The following GRID1 variants were observed in gnomAD, a reference collection of about 807,000 sequenced individuals.
GRID1 encodes the protein glutamate ionotropic receptor delta type subunit 1.
A neutral mutation model predicts 98.0 loss-of-function variants in GRID1; 28 were observed. The observed-to-expected ratio is 0.29, with a 90% CI of 0.21 to 0.39. The LOEUF is 0.39. Among genes scored for constraint, GRID1 ranks in the 10% least tolerant of loss-of-function variants. The pLI is 1.00. For synonymous variants in GRID1, 553 were observed against 538.5 expected (o/e 1.03, Z -0.37); for missense variants, 1,111 against 1,340.5 (o/e 0.83, Z 2.67).
chr10:85,636,132 T>A (rs1223718990), intron 13 of GRID1, among the ~76,000 whole-genome samples: 1 of 152,188 alleles, frequency 6.6e-6, no homozygotes, highest in African/African-American at 2.4e-5. Context: ...TAAATTAATC[T>A]CCTGATTGTC....
chr10:86,078,175 T>C (rs958112805), intron 4 of GRID1, among the ~76,000 whole-genome samples: 2 of 152,198 alleles, frequency 1.3e-5, no homozygotes, highest in African/African-American at 4.8e-5. Context: ...TCTCCACAGC[T>C]AGAAGAGGGC....
At chr10:85,893,681 C>G (rs1328560062) in intron 5 of GRID1, among the ~76,000 whole-genome samples, 1 of 152,144 alleles carries the variant, frequency 6.6e-6, no homozygotes, top group African/African-American at 2.4e-5. Flanking sequence ...AACAACAAGA[C>G]CTGTACACTT....
chr10:85,729,451 C>A, intron 9 of GRID1, 62 bp downstream of exon 9: 1 of 914,900 alleles, frequency 1.1e-6, no homozygotes, highest in South Asian at 1.4e-5. Flanking sequence ...AAACAGAAAG[C>A]AGCCTCTGAT....
At chr10:86,204,046 G>C (rs540260412) in intron 3 of GRID1, among the ~76,000 whole-genome samples, 1 of 152,166 alleles carries the variant, frequency 6.6e-6, no homozygotes, top group Non-Finnish European at 1.5e-5. Context: ...GGTAGCAAAG[G>C]TGTCCATGTC....
chr10:85,971,788 C>A (rs1842411292), intron 4 of GRID1, among the ~76,000 whole-genome samples: 1 of 152,118 alleles, frequency 6.6e-6, no homozygotes, highest in South Asian at 2.1e-4. Context: ...TTGCCAGCAT[C>A]TTCTAAGACT....
intron 3 of GRID1, among the ~76,000 whole-genome samples, chr10:86,159,695 A>G (rs556253776): frequency 6.6e-6 from 1 of 152,318 alleles, no homozygotes; most frequent in South Asian, 2.1e-4. Context: ...CTCATCATTC[A>G]TGGGACAGAG....
chr10:85,923,391 A>T (rs1841732474), intron 4 of GRID1, among the ~76,000 whole-genome samples: 1 of 152,088 alleles, frequency 6.6e-6, no homozygotes, highest in East Asian at 1.9e-4. Context: ...GCTCTGGGGG[A>T]GGCTGAGAGG....
rs546809798 is a variant in GRID1, at chr10:85,895,375, T to C, written c.780+20811A>G. Among the ~76,000 whole-genome samples, 5 of 152,136 alleles carry C rather than the reference T, an allele frequency of 3.3e-5. No homozygotes were observed. In the South Asian group the frequency reaches 1.0e-3, roughly 32 times the overall value. ...AAAAACATAATTCACATCACATCAT[T>C]TCTCAATACAAAATGCTCTAGTGTC... On this transcript the variant is annotated intron_variant, in intron 5 of 15. Coordinates refer to ENST00000327946, the MANE Select transcript of GRID1 (RefSeq NM_017551.3).
chr10:86,165,158 AT>A (rs939793633), intron 3 of GRID1, among the ~76,000 whole-genome samples: 1 of 152,160 alleles, frequency 6.6e-6, no homozygotes, highest in African/African-American at 2.4e-5. Context: ...GAAAAAAAAA[AT>A]CTGTGATCCT....
At chr10:86,353,139 G>A (rs539724180) in intron 2 of GRID1, among the ~76,000 whole-genome samples, 134 of 152,278 alleles carry the variant, frequency 8.8e-4, no homozygotes, top group Non-Finnish European at 1.6e-3. Flanking sequence ...GAACAAAAGC[G>A]ACCAAGTCCC....
intron 5 of GRID1, among the ~76,000 whole-genome samples, chr10:85,895,953 T>G (rs1349433247): frequency 6.6e-6 from 1 of 151,806 alleles, no homozygotes; most frequent in African/African-American, 2.4e-5. Flanking sequence ...AACATGGACA[T>G]GTTGTCACTC....
chr10:85,723,137 G>C lies in GRID1; in HGVS notation c.1863C>G (p.Gly621=). 1.2e-6 allele frequency: 2 copies of C among 1,605,018 alleles called. No individual in the cohort carries two copies. The highest frequency in any genetic ancestry group is 1.7e-6 in the Non-Finnish European group (2 of 1,175,418). ...TGGCCATGGAGTTCACGGAAGATTC[G>C]CCACCTGCGGGAGGCAGACAAAGTG... ...IVYGAFVQQG[G]ESSVNSMAMR... is the part of the protein sequence containing the mutation. Residue 621 remains glycine (G), a synonymous_variant, in exon 12 of 16, where the codon GGC becomes GGG. Coordinates refer to ENST00000327946, the MANE Select transcript of GRID1 (RefSeq NM_017551.3).
At chr10:85,605,442 A>G (rs1196819975) in intron 15 of GRID1, 4 of 152,226 alleles carry the variant, frequency 2.6e-5, no homozygotes, top group South Asian at 2.1e-4. Flanking sequence ...CCTCACTGTC[A>G]AAGACTTTCA....
intron 5 of GRID1, among the ~76,000 whole-genome samples, chr10:85,897,491 G>T (rs533164332): frequency 1.3e-5 from 2 of 152,264 alleles, no homozygotes; most frequent in East Asian, 1.9e-4. Flanking sequence ...CCTCAGGAAG[G>T]CTTGGCCATA....
intron 2 of GRID1, among the ~76,000 whole-genome samples, chr10:86,300,468 G>A (rs1488533344): frequency 7.7e-6 from 1 of 130,540 alleles, no homozygotes; most frequent in Admixed American, 7.7e-5. Flanking sequence ...GGGAACAGGG[G>A]AGGGAGGAAG....
At chr10:85,832,448 G>A (rs1842875356) in intron 8 of GRID1, among the ~76,000 whole-genome samples, 1 of 151,990 alleles carries the variant, frequency 6.6e-6, no homozygotes, top group South Asian at 2.1e-4. Flanking sequence ...AATCAAATGT[G>A]ATACACAACA....
intron 5 of GRID1, among the ~76,000 whole-genome samples, chr10:85,915,385 C>T (rs1841600534): frequency 6.6e-6 from 1 of 151,892 alleles, no homozygotes; most frequent in South Asian, 2.1e-4. Flanking sequence ...CACATGCACA[C>T]ATAAAATTTG....
intron 4 of GRID1, among the ~76,000 whole-genome samples, chr10:86,051,088 A>T (rs1843496451): frequency 6.6e-6 from 1 of 151,376 alleles, no homozygotes; most frequent in Non-Finnish European, 1.5e-5. Context: ...CAAAAAAAAA[A>T]TGTGTATATA....
chr10:86,279,931 C>T (rs1279130438), intron 2 of GRID1, among the ~76,000 whole-genome samples: 1 of 152,182 alleles, frequency 6.6e-6, no homozygotes, highest in Admixed American at 6.5e-5. Context: ...AGGCTGGGTG[C>T]AGCAGCTCAT....
Sources: allele counts gnomAD v4.1 joint callset (sites outside exome capture counted in the v4.1 genomes callset), GRCh38; gene constraint gnomAD v4.1.1; transcripts MANE v1.5; gene names NCBI Gene and HGNC (gene_info 2026-07-23, HGNC 2026-07-21).